Variants in SLC2A1 observed in about 807,000 individuals in gnomAD.
The protein encoded by SLC2A1 is solute carrier family 2 member 1, also known as solute carrier family 2, facilitated glucose transporter member 1.
A neutral mutation model predicts 46.6 loss-of-function variants in SLC2A1; 4 were observed. The ratio of observed to expected loss-of-function variants is 0.09; its 90% CI spans 0.04 to 0.20. SLC2A1 has a LOEUF of 0.20. SLC2A1 is among the 10% of genes least tolerant of loss of function. The pLI, the probability that SLC2A1 is intolerant of heterozygous loss-of-function variation, is 1.00. For synonymous variants in SLC2A1, 253 were observed against 270.0 expected (o/e 0.94, Z 0.62); for missense variants, 352 against 667.0 (o/e 0.53, Z 5.20).
intron 1 of SLC2A1, among the ~76,000 whole-genome samples, chr1:42,947,600 A>C (rs940692024): frequency 6.9e-6 from 1 of 144,820 alleles, no homozygotes; most frequent in Non-Finnish European, 1.5e-5. Context: ...AAAAAAAAAA[A>C]AAAAAACAGC....
Position 42,929,557 on chromosome 1 carries a change from G to C in SLC2A1, c.867+36C>G, listed in dbSNP as rs200398606. On this transcript the variant is annotated intron_variant, in intron 6 of 9. Transcript: ENST00000426263. This position sits in a 1 kb window ranked among gnomAD's most constrained non-coding sequence, Gnocchi z 6.0. ...CCATGCACACTTGACCAGAGGGCTT[G>C]GCTGGGGCACAGGAAGGGTGGGTGG... The C allele has an allele frequency of 1.6e-4, 251 of 1,585,682 alleles. No homozygotes were observed. The highest frequency in any genetic ancestry group is 1.7e-4 in the Middle Eastern group (1 of 6,020).
At position 42,929,965 on chromosome 1, in the gene SLC2A1, G is replaced by A. The variant is rs771352226; in HGVS notation, c.587C>T (p.Pro196Leu). The change falls in exon 5 of 10, where the codon CCG (proline) becomes CTG (leucine). Residue 196 changes from proline to leucine, a missense_variant. This residue lies in a region of SLC2A1 where 167 missense variants were observed against 280.8 expected (regional missense o/e 0.59). Transcript: ENST00000426263. The surrounding 1 kb of genome is among the most constrained non-coding windows in gnomAD (Gnocchi z 6.0). ...WPLLLSIIFIPALLQCIVLPF... is the reference protein window; with the variant it reads ...WPLLLSIIFILALLQCIVLPF... ...CAGCACGATGCACTGCAGCAGGGCC[G>A]GGATGAAGATGATGCTCAGCAGCAG... 1 of 1,614,164 alleles carries A rather than the reference G, an allele frequency of 6.2e-7. No individual in the cohort carries two copies. Among genetic ancestry groups the A allele is most frequent in the Non-Finnish European group, 8.5e-7 (1 of 1,179,996 alleles).
chr1:42,953,644 C>T (rs1171816013), intron 1 of SLC2A1, among the ~76,000 whole-genome samples: 2 of 152,234 alleles, frequency 1.3e-5, no homozygotes, highest in African/African-American at 4.8e-5. Flanking sequence ...CCAGGCCTCC[C>T]CAGCTTTGCC....
In SLC2A1 at chr1:42,926,698, C is replaced by G. The variant is rs1383855294; in HGVS notation, c.*343G>C. On this transcript the variant is annotated 3_prime_UTR_variant, in exon 10 of 10. Coordinates refer to ENST00000426263, the MANE Select transcript of SLC2A1 (RefSeq NM_006516.4). Reference sequence around the variant, plus strand: ...TGGGTGAAGAAGGCAAGTGTCTCGACAGGGCTTAGTCTCCACCCTCAGGCA... The same window carrying G: ...TGGGTGAAGAAGGCAAGTGTCTCGAGAGGGCTTAGTCTCCACCCTCAGGCA... The G allele has an allele frequency of 1.5e-6, 2 of 1,343,298 alleles. No homozygotes were observed. The highest frequency in any genetic ancestry group is 2.0e-4 in the Middle Eastern group (1 of 5,066). 83.2% of individuals were successfully genotyped at this position (1,343,298 alleles called of 1,614,324 possible). A position where few individuals can be genotyped will look rare whatever the true frequency, so the allele number is the denominator to read the frequency against.
In SLC2A1 at chr1:42,931,108, G is replaced by T. The variant is rs769308394; in HGVS notation, c.213C>A (p.Ile71=). Residue 71 remains isoleucine (I), a synonymous_variant, in exon 3 of 10, where the codon ATC becomes ATA. Transcript: ENST00000426263. ...LTTLWSLSVA[I]FSVGGMIGSF... Reference sequence around the variant, plus strand: ...AGCCAATCATGCCCCCAACAGAAAAGATGGCCACTGAGAGGGACCAGAGCG... The same window carrying T: ...AGCCAATCATGCCCCCAACAGAAAATATGGCCACTGAGAGGGACCAGAGCG... 2.5e-6 allele frequency: 4 copies of T among 1,614,216 alleles called. No individual in the cohort carries two copies. The Admixed American group carries it at 6.7e-5, about 27-fold the overall frequency.
intron 2 of SLC2A1, among the ~76,000 whole-genome samples, chr1:42,937,811 G>A (rs1010655220): frequency 1.9e-4 from 29 of 152,286 alleles, no homozygotes; most frequent in African/African-American, 7.0e-4. Context: ...TTGGATATAG[G>A]AGAGAGAAGG....
At chr1:42,941,847 G>C (rs1643601738) in intron 2 of SLC2A1, among the ~76,000 whole-genome samples, 1 of 152,154 alleles carries the variant, frequency 6.6e-6, no homozygotes, top group Non-Finnish European at 1.5e-5. Context: ...CAGGGCTTGG[G>C]GCTGGTCCAA....
In SLC2A1 at chr1:42,929,451, A is replaced by C; in HGVS notation, c.868-137T>G. On this transcript the variant is annotated intron_variant, in intron 6 of 9. Coordinates refer to ENST00000426263, the MANE Select transcript of SLC2A1 (RefSeq NM_006516.4). The surrounding 1 kb of genome is among the most constrained non-coding windows in gnomAD (Gnocchi z 6.0). ...TCAGGCAGAAGGGACACTGCACTGC[A>C]GTGACCTTACGGGCTTGGGGTCTAA... 1 of 1,086,748 alleles carries C rather than the reference A, an allele frequency of 9.2e-7. No homozygotes were observed. Among genetic ancestry groups the C allele is most frequent in the South Asian group, 1.3e-5 (1 of 76,292 alleles). The allele number at this position is 1,086,748 out of a possible 1,614,324, so 67.3% of individuals were successfully genotyped here.
intron 2 of SLC2A1, among the ~76,000 whole-genome samples, chr1:42,938,344 T>C (rs1287608640): frequency 6.6e-6 from 1 of 152,200 alleles, no homozygotes; most frequent in Non-Finnish European, 1.5e-5. Flanking sequence ...AGCCCACCTC[T>C]AGCTCAGCCT....
intron 1 of SLC2A1, among the ~76,000 whole-genome samples, chr1:42,946,098 G>T (rs776264794): frequency 2.6e-5 from 4 of 152,194 alleles, no homozygotes; most frequent in African/African-American, 9.7e-5. Context: ...GTCTGCATCT[G>T]ATGTTCCAGG....
intron 1 of SLC2A1, among the ~76,000 whole-genome samples, chr1:42,951,244 T>C (rs951438247): frequency 1.4e-4 from 22 of 152,190 alleles, no homozygotes; most frequent in Non-Finnish European, 3.1e-4. Context: ...TTCTTAATCA[T>C]GGTGGGACAT....
chr1:42,948,986 T>C (rs1246179189), intron 1 of SLC2A1, among the ~76,000 whole-genome samples: 1 of 151,350 alleles, frequency 6.6e-6, no homozygotes, highest in Non-Finnish European at 1.5e-5. Context: ...GAGAATGGCT[T>C]GAACCCAGGA....
rs1334320629 is a variant in SLC2A1 at position 42,925,802 on chromosome 1, A to C, written c.*1239T>G. ...TTTAGCTTATTCACTGTGCGACTTC[A>C]GGCACATAACCTCTTTGAGCCTGTC... On this transcript the variant is annotated 3_prime_UTR_variant, in exon 10 of 10. Coordinates refer to ENST00000426263, the MANE Select transcript of SLC2A1 (RefSeq NM_006516.4). 6.6e-6 allele frequency: 1 copy of C among 152,218 alleles called. No individual in the cohort carries two copies. The highest frequency in any genetic ancestry group is 2.4e-5 in the African/African-American group (1 of 41,456). 9.4% of individuals were successfully genotyped at this position (152,218 alleles called of 1,614,324 possible). A position where few individuals can be genotyped will look rare whatever the true frequency, so the allele number is the denominator to read the frequency against.
In SLC2A1 at chr1:42,930,540, ACT is replaced by A. The variant is rs145350047; in HGVS notation, c.516+84_516+85del. 2,067 of 1,567,602 alleles carry A rather than the reference ACT, an allele frequency of 1.3e-3. 27 individuals are homozygous for A. In the African/African-American group the frequency reaches 0.025, roughly 19 times the overall value. ...GCTGTGGGGGCTGGGCGGAAGAGAA[ACT>A]CTGCCCTGCTGGGCACAGATCCGAG... On this transcript the variant is annotated intron_variant, in intron 4 of 9. Coordinates refer to ENST00000426263, the MANE Select transcript of SLC2A1 (RefSeq NM_006516.4). This position sits in a 1 kb window ranked among gnomAD's most constrained non-coding sequence, Gnocchi z 6.2.
chr1:42,939,952 C>CAAAAAAA (rs33944767), intron 2 of SLC2A1, among the ~76,000 whole-genome samples: 1 of 91,626 alleles, frequency 1.1e-5, no homozygotes, highest in Non-Finnish European at 2.1e-5. Flanking sequence ...GACTCCGTCT[C>CAAAAAAA]AAAAAAAAAA....
At position 42,928,912 on chromosome 1, in the gene SLC2A1, TC is replaced by T; in HGVS notation, c.1074+19del. On this transcript the variant is annotated intron_variant, in intron 8 of 9. Transcript: ENST00000426263. ...GCAAACTCTCCCGCATCCCTCACTCTCCAGAACCTAGCAACTCACCAGCAGT... is the reference window on the plus strand; with the variant it reads ...GCAAACTCTCCCGCATCCCTCACTCTCAGAACCTAGCAACTCACCAGCAGT... 4 of 1,608,000 alleles carry T rather than the reference TC, an allele frequency of 2.5e-6. No homozygotes were observed. The highest frequency in any genetic ancestry group is 3.4e-6 in the Non-Finnish European group (4 of 1,174,822).
chr1:42,934,929 C>T (rs1643527326), intron 2 of SLC2A1, among the ~76,000 whole-genome samples: 1 of 152,180 alleles, frequency 6.6e-6, no homozygotes, highest in African/African-American at 2.4e-5. Flanking sequence ...TTCCTATCCA[C>T]CAAAGTCAGA....
rs565256373 is a variant in SLC2A1, at chr1:42,944,834, A to G, written c.19-1513T>C. ...CATGCTGGGGCTTCCCTCATACCAC[A>G]GGGACTCCATTCCCTCTAAATCCTC... On this transcript the variant is annotated intron_variant, in intron 1 of 9. Coordinates refer to ENST00000426263, the MANE Select transcript of SLC2A1 (RefSeq NM_006516.4). Among the ~76,000 whole-genome samples, 5 of 152,160 alleles carry G rather than the reference A, an allele frequency of 3.3e-5. No homozygotes were observed. The East Asian group carries it at 9.7e-4, about 29-fold the overall frequency.
In SLC2A1 at chr1:42,958,780, C is replaced by T. The variant is rs936174986; in HGVS notation, c.-129G>A. 1.0e-6 allele frequency: 1 copy of T among 990,994 alleles called. No homozygotes were observed. The highest frequency in any genetic ancestry group is 1.5e-6 in the Non-Finnish European group (1 of 670,604). The allele number at this position is 990,994 out of a possible 1,614,324, so 61.4% of individuals were successfully genotyped here. ...CCACTGCGACTCTGACTCCGACCCCCGTCGTTTGGTCTCCTGCTCCCTGGC... is the reference window on the plus strand; with the variant it reads ...CCACTGCGACTCTGACTCCGACCCCTGTCGTTTGGTCTCCTGCTCCCTGGC... On this transcript the variant is annotated 5_prime_UTR_variant, in exon 1 of 10. Transcript: ENST00000426263.
Sources: gnomAD v4.1 joint callset for allele counts (sites outside exome capture counted in the v4.1 genomes callset) on GRCh38, gnomAD v4.1.1 for gene constraint, gnomAD v4.1.1 regional missense constraint, Gnocchi (gnomAD v3.1) non-coding constraint, MANE v1.5 for transcripts, NCBI Gene and HGNC (gene_info 2026-07-23, HGNC 2026-07-21) for gene names.